PABPC4L: variants seen among roughly 807,000 people sequenced by gnomAD.
PABPC4L encodes the protein poly(A) binding protein cytoplasmic 4 like, also known as polyadenylate-binding protein 4-like.
For synonymous variants in PABPC4L, 169 were observed against 164.1 expected, an observed-to-expected ratio of 1.03 and a Z score of -0.23; for missense variants, 452 against 451.4, an observed-to-expected ratio of 1.00 and a Z score of -0.01.
At chr4:133,995,780 G>T in the PABPC4L span, among the ~76,000 whole-genome samples, 1 of 152,116 alleles carries the variant, frequency 6.6e-6, no homozygotes, top group Non-Finnish European at 1.5e-5. Context: ...TGGTTGGCTT[G>T]TTCACACAAC....
the PABPC4L span, among the ~76,000 whole-genome samples, chr4:134,163,092 T>G: frequency 2.6e-5 from 4 of 152,084 alleles, no homozygotes; most frequent in East Asian, 7.7e-4. Flanking sequence ...AAATAATAAA[T>G]AAAATTGATA....
At chr4:134,034,661 G>A in the PABPC4L span, among the ~76,000 whole-genome samples, 1 of 151,980 alleles carries the variant, frequency 6.6e-6, no homozygotes, top group Admixed American at 6.6e-5. Context: ...GGAAGTAAGT[G>A]CAGATGTGGT....
chr4:133,995,143 G>A, the PABPC4L span, among the ~76,000 whole-genome samples: 29 of 152,174 alleles, frequency 1.9e-4, no homozygotes, highest in African/African-American at 6.8e-4. Flanking sequence ...TGATTACTTA[G>A]GGGGTTGCCG....
chr4:133,991,661 A>G, the PABPC4L span, among the ~76,000 whole-genome samples: 18 of 152,320 alleles, frequency 1.2e-4, no homozygotes, highest in East Asian at 1.9e-3. Context: ...TATAAAGGCT[A>G]TAAGTGTGCC....
At chr4:134,055,359 A>G in the PABPC4L span, among the ~76,000 whole-genome samples, 2 of 151,904 alleles carry the variant, frequency 1.3e-5, no homozygotes, top group African/African-American at 4.8e-5. Flanking sequence ...GAAGAGGAAG[A>G]CATATGAGAG....
At chr4:134,142,337 G>A in the PABPC4L span, among the ~76,000 whole-genome samples, 1 of 151,648 alleles carries the variant, frequency 6.6e-6, no homozygotes, top group Non-Finnish European at 1.5e-5. Context: ...CCAGCAGATG[G>A]CAATGAAAGG....
the PABPC4L span, among the ~76,000 whole-genome samples, chr4:133,994,636 A>T: frequency 6.6e-6 from 1 of 151,926 alleles, no homozygotes; most frequent in African/African-American, 2.4e-5. Flanking sequence ...TTTATTTCCA[A>T]TTTTTAAGGT....
chr4:134,025,631 A>T, the PABPC4L span, among the ~76,000 whole-genome samples: 1 of 152,144 alleles, frequency 6.6e-6, no homozygotes, highest in African/African-American at 2.4e-5. Context: ...AAAGTATTAA[A>T]TTCTCATTTT....
the PABPC4L span, among the ~76,000 whole-genome samples, chr4:134,153,175 A>G: frequency 1.8e-4 from 28 of 152,222 alleles, 2 homozygotes; most frequent in South Asian, 3.9e-3. Flanking sequence ...ACTCATTTTC[A>G]TTATAGCTTG....
the PABPC4L span, among the ~76,000 whole-genome samples, chr4:134,181,778 CA>C: frequency 3.3e-5 from 5 of 151,682 alleles, no homozygotes; most frequent in Non-Finnish European, 4.4e-5. Context: ...ACAATTGCCA[CA>C]AAAAGAATAA....
chr4:134,048,516 T>A, the PABPC4L span, among the ~76,000 whole-genome samples: 1 of 152,120 alleles, frequency 6.6e-6, no homozygotes, highest in African/African-American at 2.4e-5. Context: ...TCTTCACAGG[T>A]GAGGGTAGAA....
chr4:134,044,087 G>A, the PABPC4L span, among the ~76,000 whole-genome samples: 53,830 of 151,160 alleles, frequency 0.36, 11,767 homozygotes, highest in East Asian at 0.92. Flanking sequence ...GCTTATCTGG[G>A]ACTACAGCCA....
chr4:134,067,955 G>C, the PABPC4L span, among the ~76,000 whole-genome samples: 2 of 152,032 alleles, frequency 1.3e-5, no homozygotes, highest in Admixed American at 6.6e-5. Context: ...CTATATGGTT[G>C]CTTTTAGAGA....
chr4:134,018,517 C>T, the PABPC4L span, among the ~76,000 whole-genome samples: 25 of 152,102 alleles, frequency 1.6e-4, no homozygotes, highest in Admixed American at 5.2e-4. Context: ...TTACCTCCAC[C>T]CACCTTCAAG....
At chr4:134,072,973 A>G in the PABPC4L span, among the ~76,000 whole-genome samples, 1 of 152,124 alleles carries the variant, frequency 6.6e-6, no homozygotes, top group African/African-American at 2.4e-5. Flanking sequence ...GATTATGAGA[A>G]CTAAAATTCA....
chr4:134,106,124 C>T, the PABPC4L span, among the ~76,000 whole-genome samples: 2 of 151,524 alleles, frequency 1.3e-5, no homozygotes, highest in African/African-American at 4.8e-5. Context: ...AAGCTCTCTA[C>T]TGAAAGCCGT....
the PABPC4L span, among the ~76,000 whole-genome samples, chr4:134,169,027 C>A: frequency 6.6e-6 from 1 of 151,878 alleles, no homozygotes; most frequent in African/African-American, 2.4e-5. Flanking sequence ...TCAATATCAC[C>A]AATCAACATA....
the PABPC4L span, among the ~76,000 whole-genome samples, chr4:134,106,125 T>G: frequency 6.6e-6 from 1 of 151,618 alleles, no homozygotes; most frequent in Admixed American, 6.6e-5. Flanking sequence ...AGCTCTCTAC[T>G]GAAAGCCGTG....
At chr4:133,989,053 C>T in the PABPC4L span, among the ~76,000 whole-genome samples, 1 of 152,214 alleles carries the variant, frequency 6.6e-6, no homozygotes, top group African/African-American at 2.4e-5. Flanking sequence ...ACACATGGCA[C>T]CATGTCCTGA....
Sources: allele counts gnomAD v4.1 joint callset (sites outside exome capture counted in the v4.1 genomes callset), GRCh38; gene constraint gnomAD v4.1.1; transcripts MANE v1.5; gene names NCBI Gene and HGNC (gene_info 2026-07-23, HGNC 2026-07-21).